PALM2AKAP2: variants seen among roughly 807,000 people sequenced by gnomAD.
The protein encoded by PALM2AKAP2 is PALM2 and AKAP2 fusion.
Under a neutral mutation model 71.5 loss-of-function variants are expected in PALM2AKAP2, and 37 were observed. The ratio of observed to expected loss-of-function variants is 0.52; its 90% confidence interval spans 0.40 to 0.68. The LOEUF is 0.68. Ranked by LOEUF, PALM2AKAP2 falls within the 30% of genes least tolerant of loss-of-function variation. PALM2AKAP2 has a pLI of 0.00. For synonymous variants in PALM2AKAP2, 468 were observed against 478.8 expected, an observed-to-expected ratio of 0.98 and a Z score of 0.29; for missense variants, 1,224 against 1,191.8, an observed-to-expected ratio of 1.03 and a Z score of -0.40.
intron 1 of PALM2AKAP2, among the ~76,000 whole-genome samples, chr9:109,753,039 A>G (rs1198397234): frequency 6.6e-6 from 1 of 152,148 alleles, no homozygotes; most frequent in Non-Finnish European, 1.5e-5. Flanking sequence ...AATCCTGGTC[A>G]TAGTGTCCCG....
At chr9:109,669,344 C>T (rs886739559) in intron 1 of PALM2AKAP2, among the ~76,000 whole-genome samples, 14 of 151,584 alleles carry the variant, frequency 9.2e-5, no homozygotes, top group African/African-American at 3.4e-4. Context: ...CATGGATTCC[C>T]TTTGCTAATA....
At chr9:110,083,568 T>C (rs1045309287) in intron 1 of PALM2AKAP2, among the ~76,000 whole-genome samples, 1 of 152,214 alleles carries the variant, frequency 6.6e-6, no homozygotes, top group Non-Finnish European at 1.5e-5. Flanking sequence ...GTTTTTTGTT[T>C]TTTGGTTTGG....
intron 1 of PALM2AKAP2, chr9:110,048,978 T>A (rs1387758459): frequency 7.8e-7 from 1 of 1,276,776 alleles, no homozygotes; most frequent in African/African-American, 1.6e-5. Context: ...CACCGCGGGC[T>A]TTTAAAGGGC....
chr9:109,680,556 C>G (rs532380536), intron 1 of PALM2AKAP2, among the ~76,000 whole-genome samples: 45 of 152,248 alleles, frequency 3.0e-4, no homozygotes, highest in Non-Finnish European at 5.4e-4. Context: ...CTCCTTGAAT[C>G]CTATAAAATG....
At chr9:110,066,831 T>C (rs1834090226) in intron 1 of PALM2AKAP2, among the ~76,000 whole-genome samples, 1 of 152,208 alleles carries the variant, frequency 6.6e-6, no homozygotes, top group African/African-American at 2.4e-5. Context: ...TCTTGTCTTT[T>C]TAATGACCAC....
intron 7 of PALM2AKAP2, chr9:110,025,268 T>A (rs972519148): frequency 8.7e-7 from 1 of 1,154,122 alleles, no homozygotes; most frequent in Non-Finnish European, 1.3e-6. Flanking sequence ...TAGATTCGCA[T>A]ATACGTGGCC....
intron 1 of PALM2AKAP2, among the ~76,000 whole-genome samples, chr9:109,857,296 T>C (rs900135281): frequency 2.0e-5 from 3 of 152,232 alleles, no homozygotes; most frequent in African/African-American, 7.2e-5. Flanking sequence ...AAAGTTAAAA[T>C]GGGAGAGAAA....
intron 1 of PALM2AKAP2, among the ~76,000 whole-genome samples, chr9:109,768,900 G>A (rs1829208715): frequency 6.6e-6 from 1 of 152,150 alleles, no homozygotes; most frequent in Non-Finnish European, 1.5e-5. Context: ...TGGGAGGATT[G>A]CTTGCACCTA....
chr9:109,852,344 T>C (rs2131629720), intron 1 of PALM2AKAP2, among the ~76,000 whole-genome samples: 1 of 152,334 alleles, frequency 6.6e-6, no homozygotes, highest in South Asian at 2.1e-4. Flanking sequence ...CACTTACAAG[T>C]CCATGTTGCT....
intron 6 of PALM2AKAP2, chr9:109,944,540 A>C (rs1831456517): frequency 6.6e-6 from 1 of 152,068 alleles, no homozygotes; most frequent in Non-Finnish European, 1.5e-5. Flanking sequence ...AGGTAACTTC[A>C]ACTTGTAGGT....
At chr9:109,773,282 T>C (rs1395187357) in intron 1 of PALM2AKAP2, among the ~76,000 whole-genome samples, 1 of 152,078 alleles carries the variant, frequency 6.6e-6, no homozygotes, top group African/African-American at 2.4e-5. Flanking sequence ...ACTACAACCA[T>C]ATGCTGCCAC....
chr9:110,036,860 C>T (rs1396785309), intron 7 of PALM2AKAP2, among the ~76,000 whole-genome samples: 2 of 152,158 alleles, frequency 1.3e-5, no homozygotes, highest in African/African-American at 4.8e-5. Flanking sequence ...TGATGTCTCC[C>T]TGGCTCACTT....
At chr9:110,170,765 T>C (rs1457176100) in exon 4 of PALM2AKAP2, 1 of 152,318 alleles carries the variant, frequency 6.6e-6, no homozygotes, top group East Asian at 1.9e-4. Context: ...TTAGAAGTCC[T>C]GATGTGAAAT....
intron 7 of PALM2AKAP2, among the ~76,000 whole-genome samples, chr9:110,040,897 T>C (rs1005865858): frequency 3.9e-5 from 6 of 152,168 alleles, no homozygotes; most frequent in Non-Finnish European, 8.8e-5. Flanking sequence ...ATTAGGCATA[T>C]TTTATGTTTT....
At chr9:109,797,041 C>T (rs548637752) in intron 1 of PALM2AKAP2, among the ~76,000 whole-genome samples, 121 of 152,290 alleles carry the variant, frequency 7.9e-4, no homozygotes, top group African/African-American at 2.7e-3. Context: ...CCTGAATTCT[C>T]ACTTCTTTCT....
At chr9:109,754,483 G>A (rs1018782055) in intron 1 of PALM2AKAP2, among the ~76,000 whole-genome samples, 3 of 152,144 alleles carry the variant, frequency 2.0e-5, no homozygotes, top group African/African-American at 4.8e-5. Context: ...TAGTCACAGT[G>A]TTCTATGGCA....
intron 1 of PALM2AKAP2, among the ~76,000 whole-genome samples, chr9:110,059,087 A>G (rs1269114770): frequency 6.6e-6 from 1 of 152,004 alleles, no homozygotes; most frequent in African/African-American, 2.4e-5. Context: ...TTGGGTAGAG[A>G]CAGGGTTTCA....
At chr9:109,952,915 T>C (rs1380150471) in intron 6 of PALM2AKAP2, among the ~76,000 whole-genome samples, 1 of 152,188 alleles carries the variant, frequency 6.6e-6, no homozygotes, top group Non-Finnish European at 1.5e-5. Context: ...TTAAAAGCAC[T>C]GTGTAAGCTG....
intron 1 of PALM2AKAP2, among the ~76,000 whole-genome samples, chr9:109,764,260 C>G (rs1829108667): frequency 6.6e-6 from 1 of 152,130 alleles, no homozygotes; most frequent in South Asian, 2.1e-4. Flanking sequence ...ACATGCTGAA[C>G]TAGACCCAAC....
Sources: allele counts gnomAD v4.1 joint callset (sites outside exome capture counted in the v4.1 genomes callset), GRCh38; gene constraint gnomAD v4.1.1; transcripts MANE v1.5; gene names NCBI Gene and HGNC (gene_info 2026-07-23, HGNC 2026-07-21).